Variants in KAT6B observed in about 807,000 individuals in gnomAD.
KAT6B encodes the protein histone acetyltransferase KAT6B.
KAT6B carries 10 observed loss-of-function variants against 187.5 expected under a neutral mutation model. The observed-to-expected ratio is 0.05, with a 90% confidence interval of 0.03 to 0.09. The LOEUF is 0.09. Ranked by LOEUF, KAT6B falls within the 10% of genes least tolerant of loss-of-function variation. KAT6B has a pLI of 1.00. For synonymous variants in KAT6B, 861 were observed against 926.8 expected (o/e 0.93, Z 1.29); for missense variants, 1,952 against 2,558.9 (o/e 0.76, Z 5.12).
At chr10:74,966,812 G>A (rs1841505854) in intron 4 of KAT6B, among the ~76,000 whole-genome samples, 1 of 152,268 alleles carries the variant, frequency 6.6e-6, no homozygotes, top group Admixed American at 6.5e-5. Flanking sequence ...GGATTCTTGA[G>A]GCCAGGAATT....
chr10:74,919,128 CAGG>C (rs970151254), intron 3 of KAT6B, among the ~76,000 whole-genome samples: 5 of 151,980 alleles, frequency 3.3e-5, no homozygotes, highest in African/African-American at 1.2e-4. Context: ...GAGGCTAAAG[CAGG>C]AGAATTACCT....
intron 4 of KAT6B, among the ~76,000 whole-genome samples, chr10:74,962,087 A>G (rs943941673): frequency 1.3e-5 from 2 of 152,184 alleles, no homozygotes; most frequent in African/African-American, 2.4e-5. Flanking sequence ...GTTGAAGTTC[A>G]CTTAATCTTC....
intron 13 of KAT6B, among the ~76,000 whole-genome samples, chr10:74,995,772 A>G (rs1843394994): frequency 6.6e-6 from 1 of 152,226 alleles, no homozygotes; most frequent in Non-Finnish European, 1.5e-5. Flanking sequence ...TTGCAGTTTA[A>G]AAAGTAGTGT....
At chr10:74,992,029 G>A (rs1021684302) in intron 13 of KAT6B, among the ~76,000 whole-genome samples, 2 of 152,136 alleles carry the variant, frequency 1.3e-5, no homozygotes, top group African/African-American at 4.8e-5. Flanking sequence ...AGGATAGAAA[G>A]CTAACTAGGG....
intron 3 of KAT6B, among the ~76,000 whole-genome samples, chr10:74,873,743 G>A (rs1440507462): frequency 6.6e-6 from 1 of 152,146 alleles, no homozygotes; most frequent in Non-Finnish European, 1.5e-5. Context: ...CACCCTGATG[G>A]TTGCAGACTG....
chr10:74,956,217 ATT>A (rs979072128), intron 3 of KAT6B, among the ~76,000 whole-genome samples: 10 of 152,118 alleles, frequency 6.6e-5, no homozygotes, highest in Admixed American at 6.5e-4. Context: ...CCCAATTTGG[ATT>A]TGCCTGATTG....
chr10:74,935,125 A>G (rs1374927677), intron 3 of KAT6B, among the ~76,000 whole-genome samples: 5 of 152,230 alleles, frequency 3.3e-5, no homozygotes, highest in Non-Finnish European at 5.9e-5. Flanking sequence ...CGAGCGTAAC[A>G]CTGACCTCAC....
intron 2 of KAT6B, among the ~76,000 whole-genome samples, chr10:74,841,139 G>A (rs1841717003): frequency 6.6e-6 from 1 of 152,190 alleles, no homozygotes; most frequent in Non-Finnish European, 1.5e-5. Context: ...TAAAGTGATG[G>A]AAGCTTAAGT....
At chr10:74,850,864 G>C (rs1319636075) in intron 3 of KAT6B, among the ~76,000 whole-genome samples, 1 of 152,130 alleles carries the variant, frequency 6.6e-6, no homozygotes, top group Admixed American at 6.5e-5. Flanking sequence ...TTTCACTTTA[G>C]TGAGAATGTC....
chr10:74,960,671 T>C (rs1841039913), intron 4 of KAT6B, among the ~76,000 whole-genome samples: 1 of 152,210 alleles, frequency 6.6e-6, no homozygotes, highest in African/African-American at 2.4e-5. Context: ...CCAGTTCCTC[T>C]GCCTTGAGTT....
intron 3 of KAT6B, among the ~76,000 whole-genome samples, chr10:74,899,901 A>T (rs1846260778): frequency 6.6e-6 from 1 of 152,230 alleles, no homozygotes; most frequent in South Asian, 2.1e-4. Flanking sequence ...TAGCAAAACA[A>T]TTAATAAAAC....
chr10:74,962,220 GT>G (rs747507685), intron 4 of KAT6B, among the ~76,000 whole-genome samples: 3 of 152,242 alleles, frequency 2.0e-5, no homozygotes. Context: ...AGACTTTGTT[GT>G]TTTTTCCTCT....
chr10:74,885,439 G>A (rs543557584), intron 3 of KAT6B, among the ~76,000 whole-genome samples: 1 of 152,106 alleles, frequency 6.6e-6, no homozygotes, highest in Non-Finnish European at 1.5e-5. Context: ...AACCAGTTGA[G>A]GCTGGTTAAA....
rs368567857 is a variant in KAT6B, at chr10:74,985,153, C to T, written c.2447C>T (p.Thr816Met). The T allele has an allele frequency of 1.9e-6, 3 of 1,613,912 alleles. No individual in the cohort carries two copies. The highest frequency in any genetic ancestry group is 1.7e-5 in the Admixed American group (1 of 59,992). The change falls in exon 12 of 18, where the codon ACG becomes ATG. Residue 816 changes from threonine (T) to methionine (M), a missense_variant. This residue lies in a region of KAT6B where 87 missense variants were observed against 191.8 expected (regional missense o/e 0.45). Coordinates refer to ENST00000287239, the MANE Select transcript of KAT6B (RefSeq NM_012330.4). ...GCCAAGCTCTTCCTGGACCACAAAA[C>T]GTTGTATTATGATGTCGAGCCATTC... Reference protein sequence around the residue: ...LLAKLFLDHKTLYYDVEPFLF... With the variant: ...LLAKLFLDHKMLYYDVEPFLF...
intron 1 of KAT6B, among the ~76,000 whole-genome samples, chr10:74,833,134 C>CAAA (rs905808106): frequency 7.1e-4 from 37 of 52,148 alleles, no homozygotes; most frequent in South Asian, 3.9e-3. Context: ...GACTCTGTCT[C>CAAA]AAAAAAAAAA....
intron 3 of KAT6B, among the ~76,000 whole-genome samples, chr10:74,851,995 C>T (rs11001184): frequency 0.041 from 6,297 of 152,228 alleles, 226 homozygotes; most frequent in East Asian, 0.13. Context: ...ATAGCCTGTA[C>T]TTTATGAAGG....
At chr10:74,880,556 A>G (rs1429400335) in intron 3 of KAT6B, among the ~76,000 whole-genome samples, 1 of 152,202 alleles carries the variant, frequency 6.6e-6, no homozygotes, top group Non-Finnish European at 1.5e-5. Context: ...TTGTGTGGAC[A>G]CGTTTTTACT....
intron 3 of KAT6B, among the ~76,000 whole-genome samples, chr10:74,890,923 A>C (rs1845606756): frequency 6.6e-6 from 1 of 152,218 alleles, no homozygotes; most frequent in Non-Finnish European, 1.5e-5. Context: ...TATTTGTGTT[A>C]CAAACTTTGT....
chr10:74,934,344 C>CT (rs985837585), intron 3 of KAT6B, among the ~76,000 whole-genome samples: 16 of 152,218 alleles, frequency 1.1e-4, no homozygotes, highest in East Asian at 9.6e-4. Flanking sequence ...TTCTGGATGA[C>CT]TTTTTTTCTC....
Sources: allele counts gnomAD v4.1 joint callset (sites outside exome capture counted in the v4.1 genomes callset), GRCh38; gene constraint gnomAD v4.1.1; regional missense constraint gnomAD v4.1.1; transcripts MANE v1.5; gene names NCBI Gene and HGNC (gene_info 2026-07-23, HGNC 2026-07-21).